The following HCN2 variants were observed in gnomAD, a reference collection of about 807,000 sequenced individuals.
HCN2 encodes potassium/sodium hyperpolarization-activated cyclic nucleotide-gated channel 2.
In HCN2, 20 loss-of-function variants were observed where a neutral mutation model predicts 52.3. That is an observed-to-expected ratio of 0.38 (90% CI 0.27 to 0.56). HCN2 has a LOEUF of 0.56. HCN2 is among the 20% of genes least tolerant of loss of function. The pLI is 0.71. For missense variants in HCN2, 981 were observed against 1,207.7 expected, an observed-to-expected ratio of 0.81 and a Z score of 2.78; for synonymous variants, 694 against 537.0, an observed-to-expected ratio of 1.29 and a Z score of -4.04.
intron 3 of HCN2, among the ~76,000 whole-genome samples, chr19:606,583 C>T (rs906604908): frequency 6.6e-6 from 1 of 151,940 alleles, no homozygotes; most frequent in Admixed American, 6.6e-5. Flanking sequence ...CCAGGCATGG[C>T]TGCTCATGCC....
intron 6 of HCN2, 100 bp downstream of exon 6, chr19:613,588 G>GCCGGCACCGGCACCGGCACCGGCACCGGC: frequency 5.9e-6 from 1 of 170,348 alleles, no homozygotes; most frequent in Non-Finnish European, 9.3e-6. Flanking sequence ...CGGGGATGGG[G>GCCGGCACCGGCACCGGCACCGGCACCGGC]ATGGGGATGG....
At position 613,403 on chromosome 19, in the gene HCN2, G is replaced by T. The variant is rs1983731521; in HGVS notation, c.1740G>T (p.Lys580Asn). 2 of 1,612,632 alleles carry T rather than the reference G, an allele frequency of 1.2e-6. No homozygotes were observed. Among genetic ancestry groups the T allele is most frequent in the Admixed American group, 3.3e-5 (2 of 59,928 alleles). Residue 580 changes from lysine (K) to asparagine (N), a missense_variant, in exon 6 of 8, where the codon AAG becomes AAT. Coordinates refer to ENST00000251287, the MANE Select transcript of HCN2 (RefSeq NM_001194.4). ...YIIREGTIGK[K>N]MYFIQHGVVS... Reference sequence around the variant, plus strand: ...TCCGCGAAGGCACCATCGGGAAGAAGATGTACTTCATCCAGCACGGCGTGG... The same window carrying T: ...TCCGCGAAGGCACCATCGGGAAGAATATGTACTTCATCCAGCACGGCGTGG...
chr19:604,544 G>A (rs1486439520), intron 2 of HCN2, among the ~76,000 whole-genome samples: 2 of 142,728 alleles, frequency 1.4e-5, no homozygotes, highest in African/African-American at 2.7e-5. Flanking sequence ...GCTGGGCGGG[G>A]TCAAGGCATC....
intron 5 of HCN2, among the ~76,000 whole-genome samples, chr19:611,637 T>TA (rs1983642349): frequency 6.6e-6 from 1 of 152,238 alleles, no homozygotes; most frequent in African/African-American, 2.4e-5. Context: ...TTTGTAGAGA[T>TA]ATAACACTCA....
Position 608,198 on chromosome 19 carries a change from G to GC in HCN2, c.1437+20dup, listed in dbSNP as rs1568365838. 1 of 1,609,152 alleles carries GC rather than the reference G, an allele frequency of 6.2e-7. No homozygotes were observed. Among genetic ancestry groups the GC allele is most frequent in the Non-Finnish European group, 8.5e-7 (1 of 1,177,746 alleles). ...CCAGGAGAAGGTCTGAGGGAGGCGGGCCCCGGCCTGGGTTCTGATGGGGGA... is the reference window on the plus strand; with the variant it reads ...CCAGGAGAAGGTCTGAGGGAGGCGGGCCCCCGGCCTGGGTTCTGATGGGGGA... On this transcript the variant is annotated intron_variant, in intron 4 of 7. Coordinates refer to ENST00000251287, the MANE Select transcript of HCN2 (RefSeq NM_001194.4).
chr19:590,065 GCCCGCGCCCCC>G lies in HCN2; in HGVS notation c.125_135del (p.Ala42GlyfsTer23). 3.2e-6 allele frequency: 2 copies of G among 629,794 alleles called. No homozygotes were observed. Among genetic ancestry groups the G allele is most frequent in the Non-Finnish European group, 3.9e-6 (2 of 515,246 alleles). 39.0% of individuals were successfully genotyped at this position (629,794 alleles called of 1,614,324 possible). A position where few individuals can be genotyped will look rare whatever the true frequency, so the allele number is the denominator to read the frequency against. ...AACAGCAGCCGCCGCCGCCGCCGCC[GCCCGCGCCCCC>G]CCCGGGCCCCGGGCCCGCGCCCCCC... On this transcript the variant is annotated frameshift_variant, in exon 1 of 8. Coordinates refer to ENST00000251287, the MANE Select transcript of HCN2 (RefSeq NM_001194.4). LOFTEE classifies it high-confidence loss of function. The surrounding 1 kb of genome is among the most constrained non-coding windows in gnomAD (Gnocchi z 7.2).
At position 613,903 on chromosome 19, in the gene HCN2, C is replaced by T; in HGVS notation, c.1877C>T (p.Thr626Ile). 1.2e-6 allele frequency: 2 copies of T among 1,602,546 alleles called. No homozygotes were observed. The highest frequency in any genetic ancestry group is 1.9e-4 in the Middle Eastern group (1 of 5,402). ...GRRTASVRAD[T>I]YCRLYSLSVD... ...CGCACGGCGAGCGTGCGGGCTGACA[C>T]CTACTGCCGCCTCTATTCGCTGAGC... Residue 626 changes from threonine (T) to isoleucine (I), a missense_variant, in exon 7 of 8, where the codon ACC becomes ATC. Thr to Ile is a moderately conservative substitution (Grantham distance 89). Coordinates refer to ENST00000251287, the MANE Select transcript of HCN2 (RefSeq NM_001194.4).
chr19:602,460 G>A (rs997280480), intron 1 of HCN2, among the ~76,000 whole-genome samples: 2 of 151,866 alleles, frequency 1.3e-5, no homozygotes, highest in Non-Finnish European at 2.9e-5. Context: ...CTCTGGAAAT[G>A]CAGCCGGTGC....
chr19:608,267 C>A, intron 4 of HCN2, 85 bp downstream of exon 4: 1 of 1,299,346 alleles, frequency 7.7e-7, no homozygotes, highest in Non-Finnish European at 1.1e-6. Context: ...AGGCCAGGCC[C>A]TGGGGTCTGA....
chr19:603,466 A>G (rs1983287402), intron 1 of HCN2, 78 bp from the exon 2 acceptor site: 1 of 1,198,262 alleles, frequency 8.3e-7, no homozygotes, highest in Non-Finnish European at 1.2e-6. Flanking sequence ...CTCGTCCCCC[A>G]AGGAAGAGTG....
In HCN2 at chr19:590,196, G is replaced by T; in HGVS notation, c.251G>T (p.Arg84Leu). The T allele has an allele frequency of 1.0e-6, 1 of 981,858 alleles. No individual in the cohort carries two copies. The highest frequency in any genetic ancestry group is 1.2e-6 in the Non-Finnish European group (1 of 829,856). 60.8% of individuals were successfully genotyped at this position (981,858 alleles called of 1,614,324 possible). Reference protein sequence around the residue: ...RLRSRDSSCGRPGTPGAASTA... With the variant: ...RLRSRDSSCGLPGTPGAASTA... ...CGCAGCCGCGACAGCTCGTGCGGCC[G>T]CCCCGGCACCCCGGGCGCGGCGAGC... The change falls in exon 1 of 8, where the codon CGC (arginine) becomes CTC (leucine). Residue 84 changes from arginine to leucine, a missense_variant. Arg to Leu is a moderately radical substitution (Grantham distance 102). Transcript: ENST00000251287. This position sits in a 1 kb window ranked among gnomAD's most constrained non-coding sequence, Gnocchi z 7.2.
rs552260789 is a variant in HCN2 at position 590,381 on chromosome 19, A to G, written c.436A>G (p.Ser146Gly). ...GCCGGGGCCGGCGGAGGAGGCGGGCAGCGAGGAGGCGGGCCCGGCGGGGGA... is the reference window on the plus strand; with the variant it reads ...GCCGGGGCCGGCGGAGGAGGCGGGCGGCGAGGAGGCGGGCCCGGCGGGGGA... ...PGPGPAEEAG[S>G]EEAGPAGEPR... Residue 146 changes from serine (S) to glycine (G), a missense_variant, in exon 1 of 8, where the codon AGC (serine) becomes GGC (glycine). Transcript: ENST00000251287. The surrounding 1 kb of genome is among the most constrained non-coding windows in gnomAD (Gnocchi z 7.2). 79 of 1,207,370 alleles carry G rather than the reference A, an allele frequency of 6.5e-5. No individual in the cohort carries two copies. The African/African-American group carries it at 1.2e-3, about 18-fold the overall frequency. 74.8% of individuals were successfully genotyped at this position (1,207,370 alleles called of 1,614,324 possible).
At chr19:602,164 T>TCC in intron 1 of HCN2, among the ~76,000 whole-genome samples, 1 of 133,918 alleles carries the variant, frequency 7.5e-6, no homozygotes, top group African/African-American at 2.8e-5. Flanking sequence ...CCCCACTTCC[T>TCC]CCTCTCCTGC....
intron 1 of HCN2, among the ~76,000 whole-genome samples, chr19:596,396 G>A (rs1226005326): frequency 1.3e-5 from 2 of 152,136 alleles, no homozygotes. Context: ...GGTCCCCCAG[G>A]TGTGAGAGCT....
At chr19:601,030 C>A (rs902153180) in intron 1 of HCN2, among the ~76,000 whole-genome samples, 5 of 152,170 alleles carry the variant, frequency 3.3e-5, no homozygotes, top group Non-Finnish European at 7.3e-5. Context: ...AATGGGCTCA[C>A]ACGGCCGGGC....
At chr19:604,713 C>CAGCA (rs1333446677) in intron 2 of HCN2, among the ~76,000 whole-genome samples, 1 of 60,564 alleles carries the variant, frequency 1.7e-5, no homozygotes, top group Admixed American at 2.3e-4. Flanking sequence ...TTTGCTGGGG[C>CAGCA]AGGGCCAGAC....
chr19:612,960 G>A (rs1277574179), intron 5 of HCN2, among the ~76,000 whole-genome samples: 2 of 152,076 alleles, frequency 1.3e-5, no homozygotes, highest in South Asian at 2.1e-4. Context: ...GATCACACGC[G>A]TGAGCCCCCG....
intron 5 of HCN2, among the ~76,000 whole-genome samples, chr19:612,855 TTC>T (rs200751978): frequency 0.21 from 23,276 of 109,426 alleles, 2,063 homozygotes; most frequent in East Asian, 0.31. Context: ...TTTTTTTTTT[TTC>T]CGGTAGAGAC....
At chr19:614,072 C>G in intron 7 of HCN2, 56 bp downstream of exon 7, 1 of 1,336,288 alleles carries the variant, frequency 7.5e-7, no homozygotes. Flanking sequence ...AGGGGCGTGG[C>G]CAAGGCATCA....
Sources: gnomAD v4.1 joint callset for allele counts (sites outside exome capture counted in the v4.1 genomes callset) on GRCh38, gnomAD v4.1.1 for gene constraint, Gnocchi (gnomAD v3.1) non-coding constraint, MANE v1.5 for transcripts, NCBI Gene and HGNC (gene_info 2026-07-23, HGNC 2026-07-21) for gene names.